Variants in ZFYVE9 observed in about 807,000 individuals in gnomAD.
ZFYVE9 encodes the protein zinc finger FYVE-type containing 9.
In ZFYVE9, 43 loss-of-function variants were observed where a neutral mutation model predicts 126.7. The ratio of observed to expected loss-of-function variants is 0.34; its 90% CI spans 0.27 to 0.44. The LOEUF is 0.44. Among genes scored for constraint, ZFYVE9 ranks in the 20% least tolerant of loss-of-function variants. ZFYVE9 has a pLI of 1.00. For missense variants in ZFYVE9, 1,476 were observed against 1,697.0 expected, an observed-to-expected ratio of 0.87 and a Z score of 2.29; for synonymous variants, 521 against 597.4, an observed-to-expected ratio of 0.87 and a Z score of 1.87.
intron 1 of ZFYVE9, among the ~76,000 whole-genome samples, chr1:52,182,453 G>C (rs367547279): frequency 3.1e-4 from 47 of 152,034 alleles, no homozygotes; most frequent in Non-Finnish European, 1.2e-4. Flanking sequence ...ACCTTACCCC[G>C]AACCCTGTGC....
At chr1:52,160,381 A>G (rs1644445391) in intron 1 of ZFYVE9, 11 of 1,133,506 alleles carry the variant, frequency 9.7e-6, no homozygotes, top group East Asian at 2.3e-5. Context: ...TTTTGGACAT[A>G]TATTCAGACA....
chr1:52,258,011 G>A (rs1298155910), intron 4 of ZFYVE9, among the ~76,000 whole-genome samples: 2 of 152,230 alleles, frequency 1.3e-5, no homozygotes, highest in Non-Finnish European at 2.9e-5. Flanking sequence ...ACACACATGA[G>A]CCACTGCACC....
chr1:52,173,789 T>C (rs1644595505), intron 1 of ZFYVE9, among the ~76,000 whole-genome samples: 1 of 152,236 alleles, frequency 6.6e-6, no homozygotes, highest in Non-Finnish European at 1.5e-5. Flanking sequence ...TTTATTTGTG[T>C]AGAGGTGTTT....
intron 2 of ZFYVE9, among the ~76,000 whole-genome samples, chr1:52,231,697 C>T (rs986266361): frequency 6.6e-6 from 1 of 151,814 alleles, no homozygotes; most frequent in African/African-American, 2.4e-5. Context: ...AATCTCGGCT[C>T]ACTGCAACCT....
intron 1 of ZFYVE9, among the ~76,000 whole-genome samples, chr1:52,166,758 AAGTC>A (rs1644517691): frequency 6.6e-6 from 1 of 152,056 alleles, no homozygotes; most frequent in South Asian, 2.1e-4. Flanking sequence ...AAAAACAAAA[AAGTC>A]AGGCATGGTG....
chr1:52,224,737 A>G (rs749840771), intron 2 of ZFYVE9, among the ~76,000 whole-genome samples: 1 of 152,070 alleles, frequency 6.6e-6, no homozygotes, highest in Non-Finnish European at 1.5e-5. Context: ...GGGGACTGTC[A>G]GGGGGAATTT....
intron 1 of ZFYVE9, among the ~76,000 whole-genome samples, chr1:52,194,618 G>T (rs982293101): frequency 9.2e-5 from 14 of 152,100 alleles, no homozygotes; most frequent in African/African-American, 2.7e-4. Context: ...AAAAATTCTT[G>T]TATATACCCA....
At chr1:52,225,648 A>G (rs1396491063) in intron 2 of ZFYVE9, among the ~76,000 whole-genome samples, 1 of 152,182 alleles carries the variant, frequency 6.6e-6, no homozygotes, top group East Asian at 1.9e-4. Context: ...GGGTGGCGGT[A>G]AAGAAGAAAC....
At chr1:52,294,881 A>G (rs949485502) in intron 11 of ZFYVE9, among the ~76,000 whole-genome samples, 3 of 152,250 alleles carry the variant, frequency 2.0e-5, no homozygotes, top group African/African-American at 7.2e-5. Context: ...GCCTCTCCTA[A>G]GGAGGATCCT....
At chr1:52,252,490 G>T (rs1557481901) in intron 4 of ZFYVE9, among the ~76,000 whole-genome samples, 2 of 152,148 alleles carry the variant, frequency 1.3e-5, no homozygotes, top group African/African-American at 2.4e-5. Flanking sequence ...CTCCCAAGTA[G>T]CTGGGACTAC....
chr1:52,160,713 C>T (rs1644450281), intron 1 of ZFYVE9: 2 of 424,874 alleles, frequency 4.7e-6, no homozygotes, highest in Non-Finnish European at 8.4e-6. Flanking sequence ...TGTGCCCGGC[C>T]TTGATGACAT....
chr1:52,291,360 A>T (rs1197657269), intron 10 of ZFYVE9, among the ~76,000 whole-genome samples: 3 of 152,180 alleles, frequency 2.0e-5, no homozygotes, highest in Non-Finnish European at 2.9e-5. Context: ...AGTAAGCATA[A>T]ATTTCTCTGA....
In ZFYVE9 at chr1:52,272,465, C is replaced by T. The variant is rs1311579600; in HGVS notation, c.2626-1999C>T. ...ATTCTTGAATTCATATAAATCCAAA[C>T]AATAGTATATAATGTTTTGTGTTTA... On this transcript the variant is annotated intron_variant, in intron 7 of 18. Coordinates refer to ENST00000287727, the MANE Select transcript of ZFYVE9 (RefSeq NM_004799.4). Among the ~76,000 whole-genome samples the T allele has an allele frequency of 2.0e-5, 3 of 152,158 alleles. No individual in the cohort carries two copies. In the East Asian group the frequency reaches 5.8e-4, roughly 29 times the overall value.
chr1:52,212,312 T>A (rs1645035896), intron 1 of ZFYVE9, among the ~76,000 whole-genome samples: 1 of 152,058 alleles, frequency 6.6e-6, no homozygotes, highest in Non-Finnish European at 1.5e-5. Context: ...GCCTGGCTAA[T>A]TTTTGTATTT....
chr1:52,186,292 A>T (rs1309810713), intron 1 of ZFYVE9, among the ~76,000 whole-genome samples: 1 of 152,090 alleles, frequency 6.6e-6, no homozygotes, highest in Non-Finnish European at 1.5e-5. Flanking sequence ...AAAGCCTCTC[A>T]GTAAACTAGG....
intron 1 of ZFYVE9, among the ~76,000 whole-genome samples, chr1:52,201,752 G>A (rs1220139662): frequency 2.0e-5 from 3 of 150,944 alleles, no homozygotes; most frequent in Non-Finnish European, 4.4e-5. Context: ...GACCTTCAAA[G>A]CAATTTTTAA....
Position 52,219,802 on chromosome 1 carries a change from TGG to T in ZFYVE9, c.-37+3329_-37+3330del, listed in dbSNP as rs1247714819. 3.9e-3 allele frequency among the ~76,000 whole-genome samples: 512 copies of T among 131,208 alleles called. 5 individuals are homozygous for T. The highest frequency in any genetic ancestry group is 9.6e-3 in the African/African-American group (334 of 34,644). The allele number at this position is 131,208 out of a possible 152,430, so 86.1% of individuals were successfully genotyped here. A position where few individuals can be genotyped will look rare whatever the true frequency, so the allele number is the denominator to read the frequency against. On this transcript the variant is annotated intron_variant, in intron 2 of 18. Coordinates refer to ENST00000287727, the MANE Select transcript of ZFYVE9 (RefSeq NM_004799.4). The stretch of plus-strand genomic sequence containing the variant: ...GTGTGTGTGTGTGTGTGTGTGTGTG[TGG>T]CAGAGTCTTACTCTGTCGCCCGGGC...
chr1:52,327,421 G>T (rs1222348552), intron 13 of ZFYVE9, among the ~76,000 whole-genome samples: 1 of 151,554 alleles, frequency 6.6e-6, no homozygotes, highest in Non-Finnish European at 1.5e-5. Flanking sequence ...GGCCAATATG[G>T]TGAAACCCCA....
intron 3 of ZFYVE9, among the ~76,000 whole-genome samples, chr1:52,236,517 G>C (rs549191166): frequency 6.6e-6 from 1 of 152,292 alleles, no homozygotes; most frequent in South Asian, 2.1e-4. Context: ...GAAAGGCACT[G>C]AGTGCATTGT....
Sources: gnomAD v4.1 joint callset for allele counts (sites outside exome capture counted in the v4.1 genomes callset) on GRCh38, gnomAD v4.1.1 for gene constraint, MANE v1.5 for transcripts, NCBI Gene and HGNC (gene_info 2026-07-23, HGNC 2026-07-21) for gene names.